Variants in NUCB2 observed in about 807,000 individuals in gnomAD.
NUCB2 encodes nucleobindin 2.
NUCB2 carries 48 observed loss-of-function variants against 57.9 expected under a neutral mutation model. That is an observed-to-expected ratio of 0.83 (90% CI 0.66 to 1.05). The LOEUF (loss-of-function observed/expected upper bound fraction) is 1.05, where lower values mean the gene tolerates loss of function less well. Among genes scored for constraint, NUCB2 ranks in the 50% least tolerant of loss-of-function variants. NUCB2 has a pLI of 0.00. For synonymous variants in NUCB2, 139 were observed against 152.1 expected, an observed-to-expected ratio of 0.91 and a Z score of 0.64; for missense variants, 442 against 476.2, an observed-to-expected ratio of 0.93 and a Z score of 0.67.
At chr11:17,298,429 G>A (rs901729828) in intron 4 of NUCB2, among the ~76,000 whole-genome samples, 1 of 151,846 alleles carries the variant, frequency 6.6e-6, no homozygotes. Context: ...TTAGCTAGAT[G>A]TGGTGGTGTG....
chr11:17,331,164 A>G (rs1951355698), intron 13 of NUCB2, 181 bp downstream of exon 13: 1 of 584,056 alleles, frequency 1.7e-6, no homozygotes, highest in South Asian at 2.6e-5. Context: ...AGTTTTATGT[A>G]GCAGCAAATT....
At chr11:17,331,058 T>C in intron 13 of NUCB2, 75 bp downstream of exon 13, 1 of 967,320 alleles carries the variant, frequency 1.0e-6, no homozygotes, top group Admixed American at 2.3e-5. Flanking sequence ...TTATTACAAA[T>C]ATAATTTCAA....
chr11:17,277,474 G>A (rs916531915), intron 1 of NUCB2, among the ~76,000 whole-genome samples: 1 of 152,034 alleles, frequency 6.6e-6, no homozygotes, highest in African/African-American at 2.4e-5. Context: ...TTATTTTACA[G>A]TATCAAATGG....
In NUCB2 at chr11:17,289,320, C is replaced by T. The variant is rs78388396; in HGVS notation, c.1-6004C>T. On this transcript the variant is annotated intron_variant, in intron 2 of 13. Transcript: ENST00000529010. ...CCCTATATTAATTTTACAAGCTTTA[C>T]AAGCTTGGTGCTGGTGCTTTCTTCA... Among the ~76,000 whole-genome samples, 35 of 152,252 alleles carry T rather than the reference C, an allele frequency of 2.3e-4. No homozygotes were observed. In the East Asian group the frequency reaches 6.6e-3, roughly 29 times the overall value.
At chr11:17,333,838 A>G (rs376034139), downstream of NUCB2, 1 of 152,364 alleles carries the variant, frequency 6.6e-6, no homozygotes. Context: ...GTCAATTTAT[A>G]TGGTAGACAA....
chr11:17,303,302 T>C (rs566129907), intron 5 of NUCB2, among the ~76,000 whole-genome samples: 78 of 152,284 alleles, frequency 5.1e-4, no homozygotes, highest in African/African-American at 1.8e-3. Context: ...CATATATTGA[T>C]GCCAAAATCA....
rs537022469 is a variant in NUCB2 at position 17,277,994 on chromosome 11, A to G, written c.-156+1166A>G. On this transcript the variant is annotated intron_variant, in intron 1 of 13. Transcript: ENST00000529010. ...TGTCACTCTCCTAATTAGGATGAAC[A>G]TGGAAACTTCTATTTCTCATCGTGG... Among the ~76,000 whole-genome samples the G allele has an allele frequency of 1.2e-4, 18 of 152,250 alleles. No individual in the cohort carries two copies. In the East Asian group the frequency reaches 3.1e-3, roughly 26 times the overall value.
At chr11:17,334,475 T>C (rs1951647681), downstream of NUCB2, 1 of 152,200 alleles carries the variant, frequency 6.6e-6, no homozygotes, top group Non-Finnish European at 1.5e-5. Flanking sequence ...TGAGTAAAAG[T>C]CTCAAGTGAG....
chr11:17,299,450 T>G (rs1946347192), intron 4 of NUCB2, among the ~76,000 whole-genome samples: 1 of 152,204 alleles, frequency 6.6e-6, no homozygotes, highest in Admixed American at 6.5e-5. Context: ...TTCCTACTAA[T>G]TACTCATCTA....
chr11:17,336,194 T>G (rs750398297), downstream of NUCB2, among the ~76,000 whole-genome samples: 1 of 151,896 alleles, frequency 6.6e-6, no homozygotes, highest in Non-Finnish European at 1.5e-5. Flanking sequence ...CCCCCCACCT[T>G]GGCCTCCTAA....
rs1277702061 is a variant in NUCB2, at chr11:17,301,974, A to G, written c.379+104A>G. 7 of 929,846 alleles carry G rather than the reference A, an allele frequency of 7.5e-6. No homozygotes were observed. In the South Asian group the frequency reaches 1.2e-4, roughly 16 times the overall value. The allele number at this position is 929,846 out of a possible 1,614,324, so 57.6% of individuals were successfully genotyped here. A position where few individuals can be genotyped will look rare whatever the true frequency, so the allele number is the denominator to read the frequency against. On this transcript the variant is annotated intron_variant, in intron 5 of 13. Coordinates refer to ENST00000529010, the MANE Select transcript of NUCB2 (RefSeq NM_005013.4). Reference sequence around the variant, plus strand: ...GAGTGCAGTGGCACAATCACAGTTCACTACAGCCTTGACCACCTGGGCTCA... The same window carrying G: ...GAGTGCAGTGGCACAATCACAGTTCGCTACAGCCTTGACCACCTGGGCTCA...
chr11:17,317,255 T>C (rs1358765631), intron 11 of NUCB2, among the ~76,000 whole-genome samples: 1 of 152,156 alleles, frequency 6.6e-6, no homozygotes, highest in East Asian at 1.9e-4. Context: ...TGTGTGTATG[T>C]ATAACATATA....
Position 17,311,281 on chromosome 11 carries a change from A to T in NUCB2, c.758A>T (p.His253Leu). The T allele has an allele frequency of 2.5e-6, 4 of 1,581,778 alleles. No homozygotes were observed. Among genetic ancestry groups the T allele is most frequent in the Non-Finnish European group, 3.5e-6 (4 of 1,155,158 alleles). ...GACCCCAAGACATTTTTCAAATTACATGGTAACGATTTGATACAAATATTA... is the reference window on the plus strand; with the variant it reads ...GACCCCAAGACATTTTTCAAATTACTTGGTAACGATTTGATACAAATATTA... ...DFDPKTFFKL[H>L]DVNSDGFLDE... The change falls in exon 8 of 14, where the codon CAT becomes CTT. Residue 253 changes from histidine to leucine, a missense_variant and splice_region_variant. Physicochemically the swap from His to Leu is moderately conservative, Grantham distance 99. Transcript: ENST00000529010.
chr11:17,296,053 C>G (rs1175837200), intron 3 of NUCB2, 51 bp from the exon 4 acceptor site: 1 of 1,132,156 alleles, frequency 8.8e-7, no homozygotes. Context: ...TCTTTAGATT[C>G]AAACAAGGAA....
At chr11:17,344,247 G>A (rs1952533717) in intron 2 of NUCB2, among the ~76,000 whole-genome samples, 1 of 152,114 alleles carries the variant, frequency 6.6e-6, no homozygotes, top group South Asian at 2.1e-4. Flanking sequence ...ATAAGCAGAA[G>A]CCTATCTATA....
chr11:17,330,323 C>T lies in NUCB2; in HGVS notation c.1173+26C>T. 1.9e-6 allele frequency: 3 copies of T among 1,558,402 alleles called. No individual in the cohort carries two copies. The highest frequency in any genetic ancestry group is 3.4e-4 in the Middle Eastern group (2 of 5,832). ...GTGGCATTTTGTCAAAAGATTATGG[C>T]ATTAAAAAGATTTTAGGTGCTTTGT... On this transcript the variant is annotated intron_variant, in intron 12 of 13. Coordinates refer to ENST00000529010, the MANE Select transcript of NUCB2 (RefSeq NM_005013.4). The surrounding 1 kb of genome is among the most constrained non-coding windows in gnomAD (Gnocchi z 4.3).
intron 4 of NUCB2, among the ~76,000 whole-genome samples, chr11:17,298,940 C>A (rs1177977185): frequency 6.6e-6 from 1 of 152,176 alleles, no homozygotes; most frequent in African/African-American, 2.4e-5. Flanking sequence ...CTCAAATGAT[C>A]CCCCTGCCTT....
At chr11:17,306,393 G>C (rs547258072) in intron 5 of NUCB2, among the ~76,000 whole-genome samples, 1 of 152,124 alleles carries the variant, frequency 6.6e-6, no homozygotes, top group Non-Finnish European at 1.5e-5. Flanking sequence ...TAAACATATA[G>C]TCTTAGAAAA....
At position 17,282,178 on chromosome 11, in the gene NUCB2, C is replaced by T. The variant is rs529696239; in HGVS notation, c.-155-611C>T. ...GTGGAGGAATACAGGAAAATTTGGG[C>T]ATAATAAATCTATATCTATATCTAT... On this transcript the variant is annotated intron_variant, in intron 1 of 13. Transcript: ENST00000529010. Among the ~76,000 whole-genome samples the T allele has an allele frequency of 6.4e-5, 9 of 141,242 alleles. No individual in the cohort carries two copies. In the South Asian group the frequency reaches 2.1e-3, roughly 33 times the overall value. The allele number at this position is 141,242 out of a possible 152,430, so 92.7% of individuals were successfully genotyped here. A position where few individuals can be genotyped will look rare whatever the true frequency, so the allele number is the denominator to read the frequency against.
Sources: gnomAD v4.1 joint callset for allele counts (sites outside exome capture counted in the v4.1 genomes callset) on GRCh38, gnomAD v4.1.1 for gene constraint, Gnocchi (gnomAD v3.1) non-coding constraint, MANE v1.5 for transcripts, NCBI Gene and HGNC (gene_info 2026-07-23, HGNC 2026-07-21) for gene names.